Variants in MCCC1 observed in about 807,000 individuals in gnomAD.
MCCC1 encodes methylcrotonoyl-CoA carboxylase subunit alpha, mitochondrial.
In MCCC1, 64 loss-of-function variants were observed where a neutral mutation model predicts 83.8. The ratio of observed to expected loss-of-function variants is 0.76; its 90% CI spans 0.62 to 0.94. The LOEUF (loss-of-function observed/expected upper bound fraction) is 0.94. MCCC1 is among the 40% of genes least tolerant of loss of function. The pLI is 0.00. For missense variants in MCCC1, 807 were observed against 904.7 expected (o/e 0.89, Z 1.39); for synonymous variants, 322 against 315.4 (o/e 1.02, Z -0.22).
In MCCC1 at chr3:183,092,517, T is replaced by C. The variant is rs373199843; in HGVS notation, c.165A>G (p.Ala55=). 10 of 1,614,130 alleles carry C rather than the reference T, an allele frequency of 6.2e-6. No individual in the cohort carries two copies. Among genetic ancestry groups the C allele is most frequent in the African/African-American group, 1.3e-5 (1 of 74,946 alleles). The part of the protein sequence containing the change: ...TGRNITKVLI[A]NRGEIACRVM... ...CCCTGCAGGCAATTTCTCCTCTGTT[T>C]GCAATGAGGACCTTGGTAATGTTTC... The change falls in exon 3 of 19, where the codon GCA becomes GCG. Residue 55 remains alanine, a synonymous_variant. Coordinates refer to ENST00000265594, the MANE Select transcript of MCCC1 (RefSeq NM_020166.5).
chr3:183,052,350 C>CTGTTGTATATGTGGTCTGTTGTTG, intron 8 of MCCC1, 110 bp from the exon 9 acceptor site: 1 of 880,040 alleles, frequency 1.1e-6, no homozygotes, highest in Non-Finnish European at 1.9e-6. Context: ...TAGTCAACAA[C>CTGTTGTATATGTGGTCTGTTGTTG]AGACCACATA....
At chr3:183,107,122 T>C (rs1719418213) in intron 1 of MCCC1, among the ~76,000 whole-genome samples, 1 of 152,050 alleles carries the variant, frequency 6.6e-6, no homozygotes, top group African/African-American at 2.4e-5. Flanking sequence ...AACACTGTAG[T>C]GGCCAGGCGC....
intron 13 of MCCC1, among the ~76,000 whole-genome samples, chr3:183,034,344 T>A (rs1713351402): frequency 6.7e-6 from 1 of 149,224 alleles, no homozygotes. Context: ...CCAGCTACTC[T>A]GGAGGCTGAG....
At chr3:183,057,256 C>T (rs1448112154) in intron 8 of MCCC1, 55 bp downstream of exon 8, 9 of 1,334,852 alleles carry the variant, frequency 6.7e-6, no homozygotes, top group Non-Finnish European at 9.5e-6. Flanking sequence ...ATGTGAAAAT[C>T]AGAGTAAGAT....
upstream of MCCC1, chr3:183,099,541 G>A (rs886058210): frequency 2.2e-6 from 3 of 1,373,282 alleles, no homozygotes; most frequent in Non-Finnish European, 3.0e-6. Context: ...GACCCCCGCC[G>A]GCCACCGTCG....
At chr3:183,094,490 A>C in intron 2 of MCCC1, 69 bp downstream of exon 2, 3 of 1,445,826 alleles carry the variant, frequency 2.1e-6, no homozygotes, top group Non-Finnish European at 1.9e-6. Flanking sequence ...TAAGGGATTA[A>C]ACATTTCCCT....
upstream of MCCC1, chr3:183,099,511 C>T (rs988364716): frequency 6.5e-7 from 1 of 1,534,392 alleles, no homozygotes. Flanking sequence ...CAAACCCGTT[C>T]CTCCACTACG....
At chr3:183,032,556 T>C (rs950473097) in intron 14 of MCCC1, among the ~76,000 whole-genome samples, 8 of 152,208 alleles carry the variant, frequency 5.3e-5, no homozygotes, top group Non-Finnish European at 8.8e-5. Context: ...TGAAGAGCTG[T>C]AACCCAATAA....
intron 16 of MCCC1, 118 bp downstream of exon 16, chr3:183,022,299 A>G: frequency 8.1e-7 from 1 of 1,232,524 alleles, no homozygotes; most frequent in Non-Finnish European, 1.2e-6. Context: ...CTGAGGGAAA[A>G]AGGTCACAGC....
intron 1 of MCCC1, among the ~76,000 whole-genome samples, chr3:183,106,732 G>A (rs142283484): frequency 0.01 from 1,530 of 152,090 alleles, 98 homozygotes; most frequent in Admixed American, 0.093. Flanking sequence ...CCTGACCTCA[G>A]GTGATCCACC....
upstream of MCCC1, among the ~76,000 whole-genome samples, chr3:183,101,208 A>G (rs918426697): frequency 5.3e-5 from 8 of 152,340 alleles, no homozygotes; most frequent in Admixed American, 2.6e-4. Flanking sequence ...GTGCGGCCCA[A>G]GCCTCCCCGA....
chr3:183,099,157 G>A (rs1353761492), intron 1 of MCCC1, 195 bp downstream of exon 1: 3 of 631,646 alleles, frequency 4.7e-6, no homozygotes, highest in Non-Finnish European at 8.3e-6. Flanking sequence ...GAAGCGGGGA[G>A]AAAGGGAAGG....
At chr3:183,044,920 TGTTGTC>T (rs1330290163) in intron 10 of MCCC1, among the ~76,000 whole-genome samples, 2 of 151,164 alleles carry the variant, frequency 1.3e-5, no homozygotes, top group Admixed American at 6.6e-5. Context: ...TTGTTGTTGT[TGTTGTC>T]GTTGTTGTTG....
At position 183,072,283 on chromosome 3, in the gene MCCC1, A is replaced by G. The variant is rs920939443; in HGVS notation, c.491+83T>C. On this transcript the variant is annotated intron_variant, in intron 5 of 18. Coordinates refer to ENST00000265594, the MANE Select transcript of MCCC1 (RefSeq NM_020166.5). ...TGCCTCAGTCTCCCAAAACACTGGTATTACAGGCATAGCCACATGCCTGGC... is the reference window on the plus strand; with the variant it reads ...TGCCTCAGTCTCCCAAAACACTGGTGTTACAGGCATAGCCACATGCCTGGC... The G allele has an allele frequency of 7.3e-6, 11 of 1,510,960 alleles. No individual in the cohort carries two copies. In the African/African-American group the frequency reaches 1.5e-4, roughly 21 times the overall value. The allele number at this position is 1,510,960 out of a possible 1,614,324, so 93.6% of individuals were successfully genotyped here.
intron 12 of MCCC1, among the ~76,000 whole-genome samples, 161 bp from the exon 13 acceptor site, chr3:183,037,595 A>G (rs536765442): frequency 6.6e-6 from 1 of 152,312 alleles, no homozygotes; most frequent in Non-Finnish European, 1.5e-5. Flanking sequence ...ATTCTCAGGA[A>G]AAAAAACACA....
At chr3:183,109,760 G>A (rs1232851007) in intron 1 of MCCC1, among the ~76,000 whole-genome samples, 1 of 152,050 alleles carries the variant, frequency 6.6e-6, no homozygotes, top group African/African-American at 2.4e-5. Flanking sequence ...TATTCCTTTG[G>A]GTATATATCC....
At chr3:183,029,262 G>C (rs925248126) in intron 14 of MCCC1, 2 of 152,158 alleles carry the variant, frequency 1.3e-5, no homozygotes, top group African/African-American at 2.4e-5. Context: ...TGATCATTTT[G>C]ATGCTGCCAG....
chr3:183,093,930 A>G (rs2108568703), intron 2 of MCCC1, among the ~76,000 whole-genome samples: 1 of 152,318 alleles, frequency 6.6e-6, no homozygotes, highest in East Asian at 1.9e-4. Context: ...ACTGCTTTAG[A>G]CCATCGTAGT....
chr3:183,082,409 G>C (rs1717576466), intron 4 of MCCC1, among the ~76,000 whole-genome samples: 1 of 152,190 alleles, frequency 6.6e-6, no homozygotes, highest in Admixed American at 6.5e-5. Flanking sequence ...GGGGACTGAA[G>C]TATAATACAC....
Sources: allele counts gnomAD v4.1 joint callset (sites outside exome capture counted in the v4.1 genomes callset), GRCh38; gene constraint gnomAD v4.1.1; transcripts MANE v1.5; gene names NCBI Gene and HGNC (gene_info 2026-07-23, HGNC 2026-07-21).